TRPC4: variants seen among roughly 807,000 people sequenced by gnomAD.
TRPC4 encodes short transient receptor potential channel 4.
Under a neutral mutation model 99.4 loss-of-function variants are expected in TRPC4, and 49 were observed. The observed-to-expected ratio is 0.49, with a 90% CI of 0.39 to 0.63. The LOEUF (loss-of-function observed/expected upper bound fraction) is 0.63, where lower values mean the gene tolerates loss of function less well. Ranked by LOEUF, TRPC4 falls within the 20% of genes least tolerant of loss-of-function variation. TRPC4 has a pLI of 0.00. For synonymous variants in TRPC4, 454 were observed against 425.9 expected (o/e 1.07, Z -0.81); for missense variants, 898 against 1,152.9 (o/e 0.78, Z 3.20).
intron 1 of TRPC4, among the ~76,000 whole-genome samples, chr13:37,789,193 C>G (rs1292119851): frequency 6.6e-6 from 1 of 152,120 alleles, no homozygotes; most frequent in East Asian, 1.9e-4. Flanking sequence ...GATCTGGCTT[C>G]CAAGACTGTC....
chr13:37,722,180 A>T (rs1283087954), intron 3 of TRPC4, among the ~76,000 whole-genome samples: 1 of 152,166 alleles, frequency 6.6e-6, no homozygotes, highest in African/African-American at 2.4e-5. Flanking sequence ...CAGATAAGTG[A>T]TTTAGACCCA....
chr13:37,726,639 C>A (rs1430994526), intron 3 of TRPC4, among the ~76,000 whole-genome samples: 1 of 152,034 alleles, frequency 6.6e-6, no homozygotes, highest in Admixed American at 6.6e-5. Context: ...ATGAATGAAA[C>A]TCTCCAACTC....
chr13:37,639,822 GAATA>G, intron 8 of TRPC4, among the ~76,000 whole-genome samples: 1 of 151,082 alleles, frequency 6.6e-6, no homozygotes, highest in East Asian at 1.9e-4. Context: ...GGATTTAACG[GAATA>G]AATAAATAAA....
intron 1 of TRPC4, among the ~76,000 whole-genome samples, chr13:37,806,816 A>G (rs950978750): frequency 1.3e-5 from 2 of 152,038 alleles, no homozygotes; most frequent in African/African-American, 4.8e-5. Context: ...ATCACATTCT[A>G]CTAGTGTCAC....
At chr13:37,777,429 T>C (rs942424811) in intron 2 of TRPC4, among the ~76,000 whole-genome samples, 1 of 151,888 alleles carries the variant, frequency 6.6e-6, no homozygotes, top group Non-Finnish European at 1.5e-5. Context: ...GTGAGAAGTC[T>C]ATCACAGGAC....
Position 37,769,820 on chromosome 13 carries a change from A to G in TRPC4, c.378+13136T>C, listed in dbSNP as rs79339025. ...ATGACACAAATGTGAATCTTTAGAC[A>G]TAGATCAAACTGGTGTACTTCGTTC... On this transcript the variant is annotated intron_variant, in intron 2 of 10. Coordinates refer to ENST00000379705, the MANE Select transcript of TRPC4 (RefSeq NM_016179.4). Among the ~76,000 whole-genome samples, 11 of 151,720 alleles carry G rather than the reference A, an allele frequency of 7.3e-5. 1 individual carries two copies. The East Asian group carries it at 2.0e-3, about 27-fold the overall frequency.
At chr13:37,830,039 C>A (rs1958369961) in intron 1 of TRPC4, among the ~76,000 whole-genome samples, 1 of 152,090 alleles carries the variant, frequency 6.6e-6, no homozygotes, top group Non-Finnish European at 1.5e-5. Context: ...TATGGGGTTT[C>A]TTCTTGTGGT....
chr13:37,722,609 C>T (rs758129758), intron 3 of TRPC4, among the ~76,000 whole-genome samples: 3 of 152,096 alleles, frequency 2.0e-5, no homozygotes, highest in Non-Finnish European at 4.4e-5. Context: ...ATAATGTTTT[C>T]ATACACAAGA....
At chr13:37,833,033 C>T (rs1190226833) in intron 1 of TRPC4, among the ~76,000 whole-genome samples, 1 of 151,968 alleles carries the variant, frequency 6.6e-6, no homozygotes, top group Non-Finnish European at 1.5e-5. Context: ...TATTTCATTT[C>T]CTTGCTGCAC....
chr13:37,669,755 C>G (rs1382515029), intron 5 of TRPC4, among the ~76,000 whole-genome samples: 1 of 152,068 alleles, frequency 6.6e-6, no homozygotes, highest in African/African-American at 2.4e-5. Context: ...TAACTTGCTC[C>G]AAATCACATA....
chr13:37,822,179 C>G (rs1958032114), intron 1 of TRPC4, among the ~76,000 whole-genome samples: 1 of 152,022 alleles, frequency 6.6e-6, no homozygotes, highest in Admixed American at 6.6e-5. Context: ...ATACACAAAG[C>G]CAATAGGCAT....
chr13:37,652,259 A>T (rs1425888859), intron 7 of TRPC4, among the ~76,000 whole-genome samples: 1 of 152,258 alleles, frequency 6.6e-6, no homozygotes, highest in African/African-American at 2.4e-5. Flanking sequence ...GAGACTGGGC[A>T]TACATTCATT....
chr13:37,858,534 T>C (rs1415529141), intron 1 of TRPC4, among the ~76,000 whole-genome samples: 2 of 151,526 alleles, frequency 1.3e-5, no homozygotes, highest in Non-Finnish European at 3.0e-5. Context: ...TAAGTATCCG[T>C]CAACAGATGA....
At chr13:37,640,501 C>T (rs1408806698) in intron 8 of TRPC4, among the ~76,000 whole-genome samples, 2 of 152,108 alleles carry the variant, frequency 1.3e-5, no homozygotes, top group Non-Finnish European at 2.9e-5. Context: ...TCCTAAAGGT[C>T]ACTAATTATT....
chr13:37,765,705 A>G (rs554013167), intron 2 of TRPC4, among the ~76,000 whole-genome samples: 1 of 151,520 alleles, frequency 6.6e-6, no homozygotes, highest in African/African-American at 2.4e-5. Flanking sequence ...TTCCAAAAGG[A>G]TTCAGTTCCA....
intron 1 of TRPC4, among the ~76,000 whole-genome samples, chr13:37,858,321 T>G (rs548534388): frequency 5.6e-4 from 85 of 151,828 alleles, no homozygotes; most frequent in African/African-American, 2.0e-3. Flanking sequence ...TGGGTGGGAA[T>G]GTACATTAAT....
At chr13:37,744,112 G>A (rs1308965566) in intron 3 of TRPC4, among the ~76,000 whole-genome samples, 2 of 152,090 alleles carry the variant, frequency 1.3e-5, no homozygotes, top group African/African-American at 4.8e-5. Context: ...AACAGCTATG[G>A]CATAAGAGAA....
chr13:37,681,334 G>A (rs1376223585), intron 4 of TRPC4, among the ~76,000 whole-genome samples: 1 of 152,092 alleles, frequency 6.6e-6, no homozygotes. Flanking sequence ...AGGCACAAAT[G>A]TGTGGGAAAA....
chr13:37,832,773 A>T (rs975918372), intron 1 of TRPC4, among the ~76,000 whole-genome samples: 2 of 152,218 alleles, frequency 1.3e-5, no homozygotes, highest in Non-Finnish European at 2.9e-5. Flanking sequence ...TGTTTACAAA[A>T]TATATGCTTT....
Sources: gnomAD v4.1 joint callset for allele counts (sites outside exome capture counted in the v4.1 genomes callset) on GRCh38, gnomAD v4.1.1 for gene constraint, MANE v1.5 for transcripts, NCBI Gene and HGNC (gene_info 2026-07-23, HGNC 2026-07-21) for gene names.